The following RAB27B variants were observed in gnomAD, a reference collection of about 807,000 sequenced individuals.
RAB27B encodes the protein ras-related protein Rab-27B.
Under a neutral mutation model 24.6 loss-of-function variants are expected in RAB27B, and 15 were observed. The observed-to-expected ratio is 0.61, with a 90% CI of 0.41 to 0.94. RAB27B has a LOEUF of 0.94. Among genes scored for constraint, RAB27B ranks in the 40% least tolerant of loss-of-function variants. The pLI, the probability that RAB27B is intolerant of heterozygous loss-of-function variation, is 0.00. For missense variants in RAB27B, 261 were observed against 266.8 expected (o/e 0.98, Z 0.15); for synonymous variants, 105 against 92.5 (o/e 1.14, Z -0.78).
chr18:54,754,331 CTG>C (rs1183716469), intron 2 of RAB27B, among the ~76,000 whole-genome samples: 1 of 101,526 alleles, frequency 9.8e-6, no homozygotes. Context: ...CCATGGCTAA[CTG>C]TGAGTCAATT....
At position 54,877,782 on chromosome 18, in the gene RAB27B, A is replaced by G. The variant is rs369468814; in HGVS notation, c.153+44A>G. ...TTCTAACCTTGTCACTCATCCCCCTATATAAAATAAGAATCAAGAAGCTAT... is the reference window on the plus strand; with the variant it reads ...TTCTAACCTTGTCACTCATCCCCCTGTATAAAATAAGAATCAAGAAGCTAT... On this transcript the variant is annotated intron_variant, in intron 2 of 5. Transcript: ENST00000262094. 23 of 1,509,662 alleles carry G rather than the reference A, an allele frequency of 1.5e-5. No individual in the cohort carries two copies. In the African/African-American group the frequency reaches 2.5e-4, roughly 16 times the overall value. The allele number at this position is 1,509,662 out of a possible 1,614,324, so 93.5% of individuals were successfully genotyped here.
At chr18:54,871,219 G>A (rs891981432) in intron 1 of RAB27B, among the ~76,000 whole-genome samples, 2 of 152,120 alleles carry the variant, frequency 1.3e-5, no homozygotes, top group Non-Finnish European at 2.9e-5. Flanking sequence ...CACTAAAGAA[G>A]CTTCCCCTTC....
At chr18:54,758,268 C>T (rs1598883168) in intron 2 of RAB27B, among the ~76,000 whole-genome samples, 1 of 152,222 alleles carries the variant, frequency 6.6e-6, no homozygotes, top group East Asian at 1.9e-4. Context: ...TCAGTAACTT[C>T]TCATTCATTC....
At chr18:54,796,204 G>T (rs186036253) in intron 2 of RAB27B, among the ~76,000 whole-genome samples, 42 of 152,268 alleles carry the variant, frequency 2.8e-4, no homozygotes, top group Admixed American at 5.9e-4. Flanking sequence ...AAGCCATGGG[G>T]AGTGCTTTTG....
At chr18:54,739,697 G>A (rs755938395) in intron 2 of RAB27B, among the ~76,000 whole-genome samples, 1 of 152,024 alleles carries the variant, frequency 6.6e-6, no homozygotes, top group African/African-American at 2.4e-5. Flanking sequence ...TTTGTAAGAA[G>A]CTGCCAAATT....
chr18:54,735,718 C>T (rs991928575), intron 2 of RAB27B, among the ~76,000 whole-genome samples: 10 of 152,036 alleles, frequency 6.6e-5, no homozygotes, highest in Non-Finnish European at 1.3e-4. Context: ...CAAAGGGTTT[C>T]GCCATGTTGG....
upstream of RAB27B, among the ~76,000 whole-genome samples, chr18:54,826,597 A>G (rs949986292): frequency 1.3e-5 from 2 of 152,172 alleles, no homozygotes; most frequent in African/African-American, 4.8e-5. Context: ...CAGGTGACAC[A>G]CTTATCTAGG....
At chr18:54,721,066 C>T (rs945246620) in intron 2 of RAB27B, among the ~76,000 whole-genome samples, 11 of 152,034 alleles carry the variant, frequency 7.2e-5, no homozygotes, top group African/African-American at 2.7e-4. Flanking sequence ...AGTTATTATC[C>T]ATCATATAGT....
chr18:54,759,037 A>G lies in RAB27B; in HGVS notation c.-20+40896A>G, dbSNP rs112366812. 5.7e-3 allele frequency among the ~76,000 whole-genome samples: 871 copies of G among 152,310 alleles called. 1 individual carries two copies. Among genetic ancestry groups the G allele is most frequent in the African/African-American group, 0.02 (832 of 41,570 alleles). ...AAGAAACATTTCCTTTTAATTTTTC[A>G]AAGTTTTGTATTCTATCAGTGAGAA... On this transcript the variant is annotated intron_variant, in intron 2 of 4. Coordinates refer to the RAB27B transcript ENST00000586570.
At position 54,833,507 on chromosome 18, in the gene RAB27B, G is replaced by A. The variant is rs1484364539; in HGVS notation, c.-20+4807G>A. Among the ~76,000 whole-genome samples the A allele has an allele frequency of 2.6e-5, 4 of 152,188 alleles. 1 individual carries two copies. The highest frequency in any genetic ancestry group is 4.8e-5 in the African/African-American group (2 of 41,528). ...CTCCCAAAGTGCTGGGATTACAGGTGTGTACAACTGCACCCGGCCATGAAT... is the reference window on the plus strand; with the variant it reads ...CTCCCAAAGTGCTGGGATTACAGGTATGTACAACTGCACCCGGCCATGAAT... On this transcript the variant is annotated intron_variant, in intron 1 of 5. Transcript: ENST00000262094.
Position 54,767,247 on chromosome 18 carries a change from G to C in RAB27B, c.-20+49106G>C, listed in dbSNP as rs539494452. Among the ~76,000 whole-genome samples, 170 of 152,238 alleles carry C rather than the reference G, an allele frequency of 1.1e-3. 3 individuals are homozygous for C. Among genetic ancestry groups the C allele is most frequent in the Non-Finnish European group, 1.5e-4 (10 of 68,006 alleles). On this transcript the variant is annotated intron_variant, in intron 2 of 4. Coordinates refer to the RAB27B transcript ENST00000586570. ...TCTAATACTCCTAAAACAGGTTTTT[G>C]CTTGGGTAAATAACATGGAAAGGCA...
intron 1 of RAB27B, among the ~76,000 whole-genome samples, chr18:54,841,873 C>T (rs1286848227): frequency 6.6e-6 from 1 of 152,178 alleles, no homozygotes; most frequent in African/African-American, 2.4e-5. Flanking sequence ...AATTTCCAGT[C>T]CTCCAGCCTA....
At position 54,893,207 on chromosome 18, in the gene RAB27B, G is replaced by C. The variant is rs1568120978; in HGVS notation, c.*3794G>C. ...AAGGATACACAATTCTTTCCTCATT[G>C]CATATTACACCAAACGTTTGAGGGA... On this transcript the variant is annotated 3_prime_UTR_variant, in exon 6 of 6. Transcript: ENST00000262094. The C allele has an allele frequency of 6.6e-6, 1 of 151,922 alleles. No homozygotes were observed. Among genetic ancestry groups the C allele is most frequent in the East Asian group, 1.9e-4 (1 of 5,190 alleles). 9.4% of individuals were successfully genotyped at this position (151,922 alleles called of 1,614,324 possible).
intron 1 of RAB27B, among the ~76,000 whole-genome samples, chr18:54,845,644 T>C (rs1038189314): frequency 2.0e-5 from 3 of 152,178 alleles, no homozygotes; most frequent in Non-Finnish European, 4.4e-5. Context: ...GTTTGTCTTG[T>C]CTTTGCTCTA....
At chr18:54,741,519 G>A (rs1910069808) in intron 2 of RAB27B, among the ~76,000 whole-genome samples, 1 of 151,824 alleles carries the variant, frequency 6.6e-6, no homozygotes, top group East Asian at 1.9e-4. Context: ...TTTGAGACAG[G>A]GCCTCGCTGT....
intron 1 of RAB27B, among the ~76,000 whole-genome samples, chr18:54,831,871 G>T (rs1170114740): frequency 6.6e-6 from 1 of 152,050 alleles, no homozygotes; most frequent in Non-Finnish European, 1.5e-5. Context: ...CACATCCCGG[G>T]TTCAGGTGAT....
At chr18:54,788,475 G>A (rs149469441) in intron 2 of RAB27B, among the ~76,000 whole-genome samples, 331 of 152,178 alleles carry the variant, frequency 2.2e-3, no homozygotes, top group Non-Finnish European at 2.8e-3. Flanking sequence ...GCTAATTTTT[G>A]TGCTTTTAGT....
At chr18:54,857,378 C>G (rs374002511) in intron 1 of RAB27B, among the ~76,000 whole-genome samples, 1 of 152,312 alleles carries the variant, frequency 6.6e-6, no homozygotes, top group East Asian at 1.9e-4. Flanking sequence ...TCACCACACC[C>G]TTTAGAGGTA....
At chr18:54,860,110 A>G (rs1458280897) in intron 1 of RAB27B, among the ~76,000 whole-genome samples, 2 of 152,126 alleles carry the variant, frequency 1.3e-5, no homozygotes, top group Admixed American at 1.3e-4. Flanking sequence ...GTGGCTCCCT[A>G]TTATTTGGCA....
Sources: gnomAD v4.1 joint callset for allele counts (sites outside exome capture counted in the v4.1 genomes callset) on GRCh38, gnomAD v4.1.1 for gene constraint, MANE v1.5 for transcripts, NCBI Gene and HGNC (gene_info 2026-07-23, HGNC 2026-07-21) for gene names.